The following ATP7A variants were observed in gnomAD, a reference collection of about 807,000 sequenced individuals.
ATP7A encodes copper-transporting ATPase 1.
ATP7A carries 7 observed loss-of-function variants against 83.5 expected under a neutral mutation model. That is an observed-to-expected ratio of 0.08 (90% CI 0.05 to 0.16). The LOEUF (loss-of-function observed/expected upper bound fraction) is 0.16. Among genes scored for constraint, ATP7A ranks in the 10% least tolerant of loss-of-function variants. ATP7A has a pLI of 1.00. For missense variants in ATP7A, 940 were observed against 1,120.8 expected (o/e 0.84, Z 2.30); for synonymous variants, 354 against 395.2 (o/e 0.90, Z 1.24).
intron 1 of ATP7A, among the ~76,000 whole-genome samples, chrX:77,951,041 A>C (rs2077411122): frequency 9.0e-6 from 1 of 111,512 alleles, no homozygotes; most frequent in African/African-American, 3.3e-5. Context: ...AAAATTAAAA[A>C]AAATTTAAAA....
At chrX:77,968,090 C>T (rs1244049485) in intron 1 of ATP7A, among the ~76,000 whole-genome samples, 6 of 110,598 alleles carry the variant, frequency 5.4e-5, no homozygotes, top group Admixed American at 1.9e-4. Flanking sequence ...GAAAGACACA[C>T]TTGGACAGGA....
chrX:77,934,944 T>C, intron 1 of ATP7A, among the ~76,000 whole-genome samples: 1 of 107,985 alleles, frequency 9.3e-6, no homozygotes, highest in East Asian at 2.9e-4. Context: ...TAGCTGGGAC[T>C]GCAGGTGTGC....
chrX:77,985,387 TG>T (rs1232367371), intron 2 of ATP7A, among the ~76,000 whole-genome samples: 10 of 59,216 alleles, frequency 1.7e-4, no homozygotes, highest in South Asian at 9.7e-4. Context: ...TTGACATTTT[TG>T]GGGGGGGTGG....
intron 1 of ATP7A, among the ~76,000 whole-genome samples, chrX:77,932,505 C>T (rs1159766069): frequency 8.9e-6 from 1 of 112,707 alleles, no homozygotes; most frequent in Non-Finnish European, 1.9e-5. Flanking sequence ...GACGGGGTGG[C>T]GGCCGGGCAG....
intron 15 of ATP7A, 94 bp downstream of exon 15, chrX:78,029,538 T>C (rs1440814196): frequency 4.4e-6 from 4 of 915,655 alleles, no homozygotes; most frequent in Non-Finnish European, 6.2e-6. Context: ...TATTTCTCTG[T>C]GGTCCATGAG....
chrX:78,015,985 G>T, intron 12 of ATP7A, 104 bp downstream of exon 12: 1 of 947,065 alleles, frequency 1.1e-6, no homozygotes, highest in South Asian at 2.1e-5. Flanking sequence ...TGAACAGAGA[G>T]AATAAGTTCT....
In ATP7A at chrX:78,029,280, A is replaced by G. The variant is rs1023683992; in HGVS notation, c.2947A>G (p.Thr983Ala). ...CAATAGAAGTATCTCCCGAACAGAA[A>G]CGATAATACGATTTGCTTTCCAAGC... is the stretch of plus-strand genomic sequence containing the variant. ...GYNRSISRTETIIRFAFQASI... is the reference protein window; with the variant it reads ...GYNRSISRTEAIIRFAFQASI... The change falls in exon 15 of 23, where the codon ACG (threonine) becomes GCG (alanine). Residue 983 changes from threonine (T) to alanine (A), a missense_variant. Thr to Ala is a moderately conservative substitution (Grantham distance 58, BLOSUM62 0). This residue lies in a region of ATP7A where 386 missense variants were observed against 502.2 expected (regional missense o/e 0.77). Transcript: ENST00000341514. 1.8e-5 allele frequency: 22 copies of G among 1,211,105 alleles called. No individual in the cohort carries two copies. Among genetic ancestry groups the G allele is most frequent in the Non-Finnish European group, 2.3e-5 (21 of 895,034 alleles).
chrX:77,934,798 G>C (rs185326031), intron 1 of ATP7A, among the ~76,000 whole-genome samples: 5 of 110,182 alleles, frequency 4.5e-5, no homozygotes, highest in Non-Finnish European at 9.5e-5. Flanking sequence ...ACTGGCAGAG[G>C]GTAGCATTAG....
In ATP7A at chrX:78,009,159, C is replaced by T; in HGVS notation, c.1765C>T (p.His589Tyr). 1 of 1,209,625 alleles carries T rather than the reference C, an allele frequency of 8.3e-7. No homozygotes were observed. The highest frequency in any genetic ancestry group is 1.1e-6 in the Non-Finnish European group (1 of 894,057). ...TAAAATAGAGTCTAGTCTCACAAAACACAGAGGGATCCTATACTGCTCCGT... is the reference window on the plus strand; with the variant it reads ...TAAAATAGAGTCTAGTCTCACAAAATACAGAGGGATCCTATACTGCTCCGT... The part of the protein sequence containing the change: ...VHKIESSLTK[H>Y]RGILYCSVAL... Residue 589 changes from histidine (H) to tyrosine (Y), a missense_variant, in exon 7 of 23, where the codon CAC (histidine) becomes TAC (tyrosine). Physicochemically the swap from His to Tyr is moderately conservative, Grantham distance 83 (BLOSUM62 2). This residue lies in a region of ATP7A where 204 missense variants were observed against 185.8 expected (regional missense o/e 1.10). Coordinates refer to ENST00000341514, the MANE Select transcript of ATP7A (RefSeq NM_000052.7).
intron 1 of ATP7A, chrX:77,923,604 T>G (rs1603370159): frequency 9.2e-6 from 1 of 109,037 alleles, no homozygotes; most frequent in South Asian, 3.9e-4. Flanking sequence ...AGACAGAGTC[T>G]GTTTACCTTT....
intron 12 of ATP7A, among the ~76,000 whole-genome samples, chrX:78,019,195 C>T (rs1265072042): frequency 8.9e-6 from 1 of 111,997 alleles, no homozygotes; most frequent in Non-Finnish European, 1.9e-5. Flanking sequence ...GCAAATTTTC[C>T]TGGGCAAATA....
chrX:77,945,315 C>G (rs1209269966), intron 1 of ATP7A, among the ~76,000 whole-genome samples: 1 of 111,154 alleles, frequency 9.0e-6, no homozygotes, highest in Non-Finnish European at 1.9e-5. Flanking sequence ...ATAGCTGGGA[C>G]CACAGTCATT....
intron 2 of ATP7A, among the ~76,000 whole-genome samples, chrX:77,976,240 G>A (rs1183260648): frequency 8.9e-6 from 1 of 112,238 alleles, no homozygotes; most frequent in Admixed American, 9.4e-5. Flanking sequence ...TTTTAAGGGC[G>A]TGAATGATTA....
chrX:77,982,316 C>G (rs1179863673), intron 2 of ATP7A, among the ~76,000 whole-genome samples: 3 of 111,849 alleles, frequency 2.7e-5, no homozygotes, highest in Non-Finnish European at 5.6e-5. Flanking sequence ...TTTAAACTGT[C>G]TGAAGATTCC....
intron 14 of ATP7A, among the ~76,000 whole-genome samples, chrX:78,022,912 A>G (rs1283711058): frequency 1.8e-5 from 2 of 111,489 alleles, no homozygotes; most frequent in African/African-American, 6.5e-5. Context: ...ATAGTACTCA[A>G]TAAGTAGTTT....
At chrX:77,940,284 C>A in intron 1 of ATP7A, among the ~76,000 whole-genome samples, 1 of 110,370 alleles carries the variant, frequency 9.1e-6, no homozygotes, top group Non-Finnish European at 1.9e-5. Flanking sequence ...AGTACTGGCA[C>A]CAAAATAGAA....
intron 14 of ATP7A, among the ~76,000 whole-genome samples, chrX:78,025,736 TCTC>T (rs1293317763): frequency 9.0e-6 from 1 of 110,691 alleles, no homozygotes; most frequent in African/African-American, 3.3e-5. Context: ...ACAGCAGACT[TCTC>T]AGTGGAAATG....
At position 78,048,061 on chromosome X, in the gene ATP7A, C is replaced by A. The variant is rs782027503; in HGVS notation, c.*1491C>A. 8.9e-6 allele frequency: 1 copy of A among 111,819 alleles called. No homozygotes were observed. The highest frequency in any genetic ancestry group is 1.9e-5 in the Non-Finnish European group (1 of 53,194). 9.2% of individuals were successfully genotyped at this position (111,819 alleles called of 1,213,427 possible). On this transcript the variant is annotated 3_prime_UTR_variant, in exon 23 of 23. Transcript: ENST00000341514. Reference sequence around the variant, plus strand: ...AAACTAAAATTTCCCTAGGTTATGACGCTTTTTAGCTAAATATATACTCTT... The same window carrying A: ...AAACTAAAATTTCCCTAGGTTATGAAGCTTTTTAGCTAAATATATACTCTT...
rs375839447 is a variant in ATP7A, at chrX:77,919,228, T to C, written c.-22+8393T>C. 1.3e-4 allele frequency among the ~76,000 whole-genome samples: 14 copies of C among 111,950 alleles called. No homozygotes were observed. In the East Asian group the frequency reaches 2.5e-3, roughly 20 times the overall value. On this transcript the variant is annotated intron_variant, in intron 1 of 22. Transcript: ENST00000341514. ...TTTCTGCTATTAACAAACTGTGACT[T>C]TGGACAAATTACTTTGTGCTCTGGG...
Sources: allele counts gnomAD v4.1 joint callset (sites outside exome capture counted in the v4.1 genomes callset), GRCh38; gene constraint gnomAD v4.1.1; regional missense constraint gnomAD v4.1.1; transcripts MANE v1.5; gene names NCBI Gene and HGNC (gene_info 2026-07-23, HGNC 2026-07-21).